The following RNF126 variants were observed in gnomAD, a reference collection of about 807,000 sequenced individuals.
RNF126 encodes the protein ring finger protein 126, also known as E3 ubiquitin-protein ligase RNF126.
RNF126 carries 20 observed loss-of-function variants against 41.9 expected under a neutral mutation model. The observed-to-expected ratio is 0.48, with a 90% CI of 0.34 to 0.69. The LOEUF (loss-of-function observed/expected upper bound fraction) is 0.69. Ranked by LOEUF, RNF126 falls within the 30% of genes least tolerant of loss-of-function variation. RNF126 has a pLI of 0.01. For synonymous variants in RNF126, 239 were observed against 202.9 expected (o/e 1.18, Z -1.51); for missense variants, 433 against 460.6 (o/e 0.94, Z 0.55).
At chr19:660,626 C>T (rs771671549) in intron 1 of RNF126, among the ~76,000 whole-genome samples, 1 of 152,146 alleles carries the variant, frequency 6.6e-6, no homozygotes, top group African/African-American at 2.4e-5. Flanking sequence ...GTGCCCATTT[C>T]CCAGCATAAA....
Position 651,806 on chromosome 19 carries a change from G to T in RNF126, c.248C>A (p.Ala83Asp). 1 of 1,612,804 alleles carries T rather than the reference G, an allele frequency of 6.2e-7. No individual in the cohort carries two copies. Among genetic ancestry groups the T allele is most frequent in the Non-Finnish European group, 8.5e-7 (1 of 1,179,880 alleles). ...GAAGCTGTCATCGAAGATGCCGAAA[G>T]CAAACTGTCCGTAGCCCTGCGGCAG... ...FTLPQGYGQF[A>D]FGIFDDSFEI... The change falls in exon 4 of 9, where the codon GCT (alanine) becomes GAT (aspartate). Residue 83 changes from alanine (A) to aspartate (D), a missense_variant. Ala to Asp is a moderately radical substitution (Grantham distance 126). Transcript: ENST00000292363.
At chr19:652,691 A>G in intron 2 of RNF126, 135 bp downstream of exon 2, 1 of 780,704 alleles carries the variant, frequency 1.3e-6, no homozygotes, top group Non-Finnish European at 2.1e-6. Context: ...CACAGAGAAA[A>G]GTGCTCCCGG....
rs773597839 is a variant in RNF126 at position 659,115 on chromosome 19, C to G, written c.75+3932G>C. On this transcript the variant is annotated intron_variant, in intron 1 of 8. Transcript: ENST00000292363. The surrounding 1 kb of genome is among the most constrained non-coding windows in gnomAD (Gnocchi z 4.9). The stretch of plus-strand genomic sequence containing the variant: ...TGCAGAGCCGCTCCAGGGTGCTGGC[C>G]GGACGCTTGAGAGGCAGGGGCAGGC... Among the ~76,000 whole-genome samples, 34 of 152,254 alleles carry G rather than the reference C, an allele frequency of 2.2e-4. No homozygotes were observed. The highest frequency in any genetic ancestry group is 4.1e-4 in the Non-Finnish European group (28 of 68,012).
chr19:652,523 G>A, intron 2 of RNF126: 1 of 599,510 alleles, frequency 1.7e-6, no homozygotes. Flanking sequence ...TCCTAAGCGT[G>A]AGAATGTGGG....
At chr19:656,520 G>T (rs1396032177) in intron 1 of RNF126, among the ~76,000 whole-genome samples, 2 of 152,016 alleles carry the variant, frequency 1.3e-5, no homozygotes, top group Non-Finnish European at 2.9e-5. Context: ...ACGGTGGTGG[G>T]TGCCTGTAAT....
chr19:652,496 TGCAGACCCCAACA>T, intron 2 of RNF126, 200 bp from the exon 3 acceptor site: 1 of 604,250 alleles, frequency 1.7e-6, no homozygotes, highest in Non-Finnish European at 2.9e-6. Flanking sequence ...GATAAACCGG[TGCAGACCCCAACA>T]GCCTCCTAAG....
Position 648,352 on chromosome 19 carries a change from C to CGGGGGGGGGGGGGGGGGGGG in RNF126, c.786+19_786+20insCCCCCCCCCCCCCCCCCCCC, listed in dbSNP as rs760019278. ...GAGGGCCGCGGTCGGGGTGGGGGGG[C>CGGGGGGGGGGGGGGGGGGGG]GGGTGGGCGGGGCACTCACCTGCTC... On this transcript the variant is annotated intron_variant, in intron 8 of 8. Transcript: ENST00000292363. 1.9e-6 allele frequency: 2 copies of CGGGGGGGGGGGGGGGGGGGG among 1,025,980 alleles called. No individual in the cohort carries two copies. The highest frequency in any genetic ancestry group is 4.1e-5 in the Admixed American group (1 of 24,170). The allele number at this position is 1,025,980 out of a possible 1,614,324, so 63.6% of individuals were successfully genotyped here.
intron 2 of RNF126, chr19:652,569 G>A (rs916718904): frequency 9.9e-6 from 6 of 605,162 alleles, no homozygotes; most frequent in Non-Finnish European, 1.8e-5. Context: ...GAGGGCCTGG[G>A]TCACCAGATT....
Position 656,661 on chromosome 19 carries a change from A to G in RNF126, c.76-3777T>C, listed in dbSNP as rs192779561. ...AGACCGTGTCAGAAAAAGAAAAAGA[A>G]AAAGGGAAAGGGGAAGGGGAAGCAG... On this transcript the variant is annotated intron_variant, in intron 1 of 8. Coordinates refer to ENST00000292363, the MANE Select transcript of RNF126 (RefSeq NM_194460.3). 4.0e-4 allele frequency among the ~76,000 whole-genome samples: 61 copies of G among 152,224 alleles called. No homozygotes were observed. The East Asian group carries it at 9.1e-3, about 23-fold the overall frequency.
At chr19:649,175 G>T in intron 6 of RNF126, 200 bp from the exon 7 acceptor site, 1 of 340,334 alleles carries the variant, frequency 2.9e-6, no homozygotes, top group Non-Finnish European at 5.4e-6. Context: ...CGGTGGAATG[G>T]GGGAATGGGC....
At position 648,701 on chromosome 19, in the gene RNF126, G is replaced by C. The variant is rs1293324388; in HGVS notation, c.670+181C>G. On this transcript the variant is annotated intron_variant, in intron 7 of 8. Coordinates refer to ENST00000292363, the MANE Select transcript of RNF126 (RefSeq NM_194460.3). ...GAAATGCTCGAGGCCGGGTGCGGTG[G>C]CTCACGCCTGTCATCCCAGCACTTT... 2.6e-5 allele frequency among the ~76,000 whole-genome samples: 4 copies of C among 152,076 alleles called. No individual in the cohort carries two copies. In the East Asian group the frequency reaches 7.7e-4, roughly 29 times the overall value.
intron 3 of RNF126, 140 bp from the exon 4 acceptor site, chr19:651,995 G>A (rs2030324564): frequency 1.3e-6 from 1 of 793,946 alleles, no homozygotes; most frequent in South Asian, 1.9e-5. Flanking sequence ...CAGGGAGGCA[G>A]GAATTGGGCA....
chr19:648,611 T>C (rs939130403), intron 7 of RNF126, 124 bp from the exon 8 acceptor site: 1 of 783,876 alleles, frequency 1.3e-6, no homozygotes, highest in Non-Finnish European at 2.1e-6. Flanking sequence ...AAAAGCCGTG[T>C]GTGTGTCCCC....
chr19:648,331 G>T, intron 8 of RNF126, 41 bp downstream of exon 8: 1 of 1,523,016 alleles, frequency 6.6e-7, no homozygotes, highest in Non-Finnish European at 8.8e-7. Flanking sequence ...AGGCGGGAGG[G>T]CCGCGGTCGG....
intron 6 of RNF126, 126 bp from the exon 7 acceptor site, chr19:649,101 A>C (rs1426068459): frequency 4.6e-6 from 2 of 434,278 alleles, no homozygotes; most frequent in Non-Finnish European, 7.8e-6. Flanking sequence ...GGCCCCTTGG[A>C]GCCCGCCCGG....
chr19:663,184 T>G lies in RNF126; in HGVS notation c.-63A>C, dbSNP rs1211027745. 2.7e-6 allele frequency: 2 copies of G among 751,520 alleles called. No individual in the cohort carries two copies. The highest frequency in any genetic ancestry group is 3.4e-6 in the Non-Finnish European group (2 of 586,262). The allele number at this position is 751,520 out of a possible 1,614,324, so 46.6% of individuals were successfully genotyped here. On this transcript the variant is annotated 5_prime_UTR_variant, in exon 1 of 9. Transcript: ENST00000292363. ...GCGGCACCCGCCGCCGGCCGTTTGC[T>G]GCTCCCTCGCCGGCCGACGCGCCCG...
intron 1 of RNF126, among the ~76,000 whole-genome samples, chr19:658,825 AC>A (rs1447302556): frequency 1.3e-5 from 2 of 152,116 alleles, no homozygotes; most frequent in African/African-American, 2.4e-5. Context: ...ACCACTAGGG[AC>A]TGGAACCCCA....
At position 648,482 on chromosome 19, in the gene RNF126, C is replaced by T. The variant is rs1309250648; in HGVS notation, c.676G>A (p.Gly226Arg). 15 of 1,569,232 alleles carry T rather than the reference C, an allele frequency of 9.6e-6. No homozygotes were observed. The highest frequency in any genetic ancestry group is 5.4e-5 in the Admixed American group (3 of 55,114). Residue 226 changes from glycine (G) to arginine (R), a missense_variant, in exon 8 of 9, where the codon GGG becomes AGG. Physicochemically the swap from Gly to Arg is moderately radical, Grantham distance 125. Around this residue, in one of 5 missense-constraint regions of RNF126, gnomAD observed 97 missense variants for 121.7 expected, o/e 0.80. Transcript: ENST00000292363. ...VPVTEEHVGSGLECPVCKDDY... is the reference protein window; with the variant it reads ...VPVTEEHVGSRLECPVCKDDY... ...TCCTTGCACACAGGGCACTCGAGCC[C>T]GGAGCCTGCGGGAGTGTGCAGCTGC...
rs913431932 is a variant in RNF126, at chr19:659,562, T to C, written c.75+3485A>G. Among the ~76,000 whole-genome samples, 1 of 152,102 alleles carries C rather than the reference T, an allele frequency of 6.6e-6. No individual in the cohort carries two copies. Among genetic ancestry groups the C allele is most frequent in the African/African-American group, 2.4e-5 (1 of 41,420 alleles). On this transcript the variant is annotated intron_variant, in intron 1 of 8. Transcript: ENST00000292363. This position sits in a 1 kb window ranked among gnomAD's most constrained non-coding sequence, Gnocchi z 4.9. ...CACCTCCCTGCGCCCGCCTGGTTCC[T>C]GGGGGCTCAGTGCCCTCAGCAGCTC...
Sources: gnomAD v4.1 joint callset for allele counts (sites outside exome capture counted in the v4.1 genomes callset) on GRCh38, gnomAD v4.1.1 for gene constraint, gnomAD v4.1.1 regional missense constraint, Gnocchi (gnomAD v3.1) non-coding constraint, MANE v1.5 for transcripts, NCBI Gene and HGNC (gene_info 2026-07-23, HGNC 2026-07-21) for gene names.